Variants in EXOC4 observed in about 807,000 individuals in gnomAD.
EXOC4 encodes exocyst complex component 4.
In EXOC4, 71 loss-of-function variants were observed where a neutral mutation model predicts 107.2. The observed-to-expected ratio is 0.66, with a 90% confidence interval of 0.55 to 0.81. The LOEUF (loss-of-function observed/expected upper bound fraction) is 0.81. EXOC4 is among the 30% of genes least tolerant of loss of function. EXOC4 has a pLI of 0.00. For synonymous variants in EXOC4, 456 were observed against 441.2 expected (o/e 1.03, Z -0.42); for missense variants, 1,108 against 1,189.6 (o/e 0.93, Z 1.01).
chr7:133,272,308 C>T (rs572959656), intron 1 of EXOC4, among the ~76,000 whole-genome samples: 1 of 152,310 alleles, frequency 6.6e-6, no homozygotes, highest in Non-Finnish European at 1.5e-5. Flanking sequence ...GGAGTGCAAT[C>T]TGAAAGCAGA....
At chr7:133,958,496 G>A (rs1800868537) in intron 14 of EXOC4, among the ~76,000 whole-genome samples, 1 of 152,018 alleles carries the variant, frequency 6.6e-6, no homozygotes, top group Non-Finnish European at 1.5e-5. Context: ...GCTAAATGTG[G>A]ATTTTATTTA....
chr7:133,432,553 A>G (rs991758623), intron 7 of EXOC4, among the ~76,000 whole-genome samples: 1 of 152,150 alleles, frequency 6.6e-6, no homozygotes, highest in African/African-American at 2.4e-5. Flanking sequence ...TCTGCATCCC[A>G]TGTCTTGTTT....
chr7:133,567,159 C>T (rs1455292212), intron 9 of EXOC4, among the ~76,000 whole-genome samples: 3 of 152,130 alleles, frequency 2.0e-5, no homozygotes, highest in African/African-American at 4.8e-5. Context: ...TAAAACTCCT[C>T]TCCAATAGAT....
At chr7:133,297,884 C>T (rs1794553680) in intron 3 of EXOC4, among the ~76,000 whole-genome samples, 1 of 152,176 alleles carries the variant, frequency 6.6e-6, no homozygotes, top group African/African-American at 2.4e-5. Context: ...TGCTCTAAGT[C>T]GAGAATAATA....
At chr7:133,678,040 A>G (rs1794103803) in intron 10 of EXOC4, among the ~76,000 whole-genome samples, 1 of 152,240 alleles carries the variant, frequency 6.6e-6, no homozygotes, top group Non-Finnish European at 1.5e-5. Flanking sequence ...AACCTTTTAA[A>G]AAGTATGAAC....
intron 13 of EXOC4, among the ~76,000 whole-genome samples, chr7:133,926,098 AG>A (rs1220291243): frequency 6.6e-6 from 1 of 151,952 alleles, no homozygotes; most frequent in East Asian, 1.9e-4. Flanking sequence ...TTATTCCAGC[AG>A]TCACAGCAAT....
At position 133,584,833 on chromosome 7, in the gene EXOC4, C is replaced by T. The variant is rs144475270; in HGVS notation, c.1418-45212C>T. Among the ~76,000 whole-genome samples the T allele has an allele frequency of 6.0e-3, 919 of 152,198 alleles. 1 individual carries two copies. Among genetic ancestry groups the T allele is most frequent in the Non-Finnish European group, 9.9e-3 (672 of 67,998 alleles). On this transcript the variant is annotated intron_variant, in intron 9 of 17. Transcript: ENST00000253861. ...ACCTCAGGCGATCTGCCCGTCTTGG[C>T]CTCCCGTGCTGGGATTACAGGCGTG...
At chr7:133,855,134 TA>T (rs1798343658) in intron 11 of EXOC4, among the ~76,000 whole-genome samples, 1 of 110,854 alleles carries the variant, frequency 9.0e-6, no homozygotes, top group Admixed American at 8.8e-5. Context: ...TATAAATATA[TA>T]TATATATAAA....
intron 9 of EXOC4, among the ~76,000 whole-genome samples, chr7:133,535,603 T>G (rs929809006): frequency 2.0e-5 from 3 of 152,188 alleles, no homozygotes; most frequent in Non-Finnish European, 2.9e-5. Context: ...GCCTGAGTAA[T>G]CAGGACTCTG....
intron 17 of EXOC4, among the ~76,000 whole-genome samples, chr7:134,021,021 C>G (rs1198249978): frequency 6.6e-6 from 1 of 151,802 alleles, no homozygotes; most frequent in South Asian, 2.1e-4. Context: ...ATTAGAGGAT[C>G]AACTATAGGG....
intron 9 of EXOC4, among the ~76,000 whole-genome samples, chr7:133,505,054 T>C (rs1352015572): frequency 6.6e-6 from 1 of 152,124 alleles, no homozygotes; most frequent in Non-Finnish European, 1.5e-5. Flanking sequence ...ACTGGAGTTG[T>C]TGAGCTTTTA....
At chr7:133,346,892 CAT>C (rs1795794618) in intron 5 of EXOC4, among the ~76,000 whole-genome samples, 1 of 152,108 alleles carries the variant, frequency 6.6e-6, no homozygotes, top group African/African-American at 2.4e-5. Context: ...TCTTAGTTAA[CAT>C]GTACAAATAT....
chr7:133,485,752 A>G (rs966676601), intron 9 of EXOC4, among the ~76,000 whole-genome samples: 2 of 152,152 alleles, frequency 1.3e-5, no homozygotes, highest in Admixed American at 1.3e-4. Context: ...ATGAACACAT[A>G]TGATTCTATC....
At chr7:133,532,845 G>T (rs115292323) in intron 9 of EXOC4, among the ~76,000 whole-genome samples, 1 of 152,040 alleles carries the variant, frequency 6.6e-6, no homozygotes, top group Non-Finnish European at 1.5e-5. Context: ...AAACAATTAC[G>T]TGTGAGAAAT....
chr7:133,864,980 G>A (rs2116361748), intron 11 of EXOC4, among the ~76,000 whole-genome samples: 1 of 152,070 alleles, frequency 6.6e-6, no homozygotes, highest in East Asian at 1.9e-4. Context: ...TAGTTTTACT[G>A]ATTTTCTTAC....
intron 7 of EXOC4, among the ~76,000 whole-genome samples, chr7:133,401,194 T>G (rs1475166718): frequency 6.6e-6 from 1 of 151,526 alleles, no homozygotes; most frequent in East Asian, 1.9e-4. Context: ...TTTTTTAAAC[T>G]TGGCAGTCTG....
chr7:133,335,929 T>G (rs1795502456), intron 5 of EXOC4, among the ~76,000 whole-genome samples: 1 of 152,222 alleles, frequency 6.6e-6, no homozygotes, highest in Non-Finnish European at 1.5e-5. Context: ...TTTGCATTTC[T>G]GTAATGATTA....
chr7:133,527,877 G>A (rs1336733211), intron 9 of EXOC4, among the ~76,000 whole-genome samples: 1 of 152,124 alleles, frequency 6.6e-6, no homozygotes, highest in African/African-American at 2.4e-5. Flanking sequence ...GATATAGTGG[G>A]GAGATATTTA....
chr7:133,367,339 T>TGGAG (rs1384977045), intron 6 of EXOC4, among the ~76,000 whole-genome samples: 2 of 150,920 alleles, frequency 1.3e-5, no homozygotes, highest in African/African-American at 4.9e-5. Flanking sequence ...AGCAGAAGAG[T>TGGAG]GGAGGGTTGT....
Sources: gnomAD v4.1 joint callset for allele counts (sites outside exome capture counted in the v4.1 genomes callset) on GRCh38, gnomAD v4.1.1 for gene constraint, MANE v1.5 for transcripts, NCBI Gene and HGNC (gene_info 2026-07-23, HGNC 2026-07-21) for gene names.